NTRK3: variants seen among roughly 807,000 people sequenced by gnomAD.
NTRK3 encodes NT-3 growth factor receptor.
In NTRK3, 24 loss-of-function variants were observed where a neutral mutation model predicts 91.7. The ratio of observed to expected loss-of-function variants is 0.26; its 90% CI spans 0.19 to 0.37. The LOEUF (loss-of-function observed/expected upper bound fraction) is 0.37, where lower values mean the gene tolerates loss of function less well. NTRK3 is among the 10% of genes least tolerant of loss of function. The pLI is 1.00. For missense variants in NTRK3, 880 were observed against 1,068.9 expected, an observed-to-expected ratio of 0.82 and a Z score of 2.46; for synonymous variants, 483 against 404.0, an observed-to-expected ratio of 1.20 and a Z score of -2.34.
intron 17 of NTRK3, among the ~76,000 whole-genome samples, chr15:87,924,129 G>A (rs985507193): frequency 1.3e-5 from 2 of 152,128 alleles, no homozygotes; most frequent in Admixed American, 6.5e-5. Flanking sequence ...AAATGCGTGT[G>A]ATAGGGGATG....
intron 14 of NTRK3, among the ~76,000 whole-genome samples, chr15:87,947,911 G>A (rs763569878): frequency 9.1e-4 from 138 of 152,122 alleles, no homozygotes; most frequent in Non-Finnish European, 1.7e-3. Flanking sequence ...AGTGGCAGGA[G>A]GGAGAAAGAG....
chr15:88,253,471 T>C (rs1024664141), intron 3 of NTRK3: 2 of 152,304 alleles, frequency 1.3e-5, no homozygotes, highest in Admixed American at 6.5e-5. Context: ...GGATGCTGAC[T>C]TTCCGGGGTA....
chr15:88,003,039 C>T (rs1290045216), intron 14 of NTRK3, among the ~76,000 whole-genome samples: 1 of 152,090 alleles, frequency 6.6e-6, no homozygotes, highest in Non-Finnish European at 1.5e-5. Context: ...TTGGTTCCAC[C>T]CAATAATCAC....
intron 14 of NTRK3, among the ~76,000 whole-genome samples, chr15:87,974,943 G>A (rs573700591): frequency 1.5e-4 from 23 of 152,206 alleles, no homozygotes; most frequent in African/African-American, 5.3e-4. Context: ...CAGAAGATGT[G>A]CTACTTTAGG....
chr15:87,948,390 A>G (rs2070775534), intron 14 of NTRK3, among the ~76,000 whole-genome samples: 1 of 152,224 alleles, frequency 6.6e-6, no homozygotes, highest in South Asian at 2.1e-4. Flanking sequence ...TCTAGAATTT[A>G]AAAATTAGTA....
intron 5 of NTRK3, among the ~76,000 whole-genome samples, chr15:88,156,191 A>G (rs1362123398): frequency 6.6e-6 from 1 of 152,228 alleles, no homozygotes; most frequent in African/African-American, 2.4e-5. Context: ...GTCCCAGAGC[A>G]CAGTGCAACA....
At chr15:88,247,607 C>A (rs1567714435) in intron 3 of NTRK3, among the ~76,000 whole-genome samples, 1 of 152,182 alleles carries the variant, frequency 6.6e-6, no homozygotes, top group Non-Finnish European at 1.5e-5. Context: ...ATGACAGTGA[C>A]CCTACGGGGG....
exon 19 of NTRK3, chr15:87,864,358 T>C (rs78588791): frequency 1.9e-4 from 43 of 231,364 alleles, no homozygotes; most frequent in African/African-American, 8.8e-4. Flanking sequence ...GGAAGTATCC[T>C]AAGAAAGGCT....
At chr15:87,955,528 G>A (rs1390313602) in intron 14 of NTRK3, among the ~76,000 whole-genome samples, 1 of 152,224 alleles carries the variant, frequency 6.6e-6, no homozygotes, top group Non-Finnish European at 1.5e-5. Flanking sequence ...CTTGCTGAGT[G>A]CCGTTCACAT....
chr15:88,254,538 G>A (rs1383108763), intron 3 of NTRK3, among the ~76,000 whole-genome samples: 2 of 152,264 alleles, frequency 1.3e-5, no homozygotes, highest in Admixed American at 1.3e-4. Flanking sequence ...AGCTGCGAGA[G>A]CGCAAGCAGA....
At chr15:87,871,133 C>G in exon 19 of NTRK3, 1 of 231,130 alleles carries the variant, frequency 4.3e-6, no homozygotes, top group South Asian at 1.8e-4. Flanking sequence ...TTTGAAGGAA[C>G]ACCCCCCACC....
chr15:87,979,507 A>C, intron 14 of NTRK3: 1 of 1,383,188 alleles, frequency 7.2e-7, no homozygotes, highest in Non-Finnish European at 1.0e-6. Context: ...AAGCAAAATA[A>C]AGTAAAAACC....
chr15:87,898,135 G>A (rs1278791885), intron 17 of NTRK3, among the ~76,000 whole-genome samples: 2 of 152,170 alleles, frequency 1.3e-5, no homozygotes, highest in African/African-American at 4.8e-5. Flanking sequence ...ATGATCATGT[G>A]TGTTACACAG....
intron 5 of NTRK3, among the ~76,000 whole-genome samples, chr15:88,151,804 G>A (rs1026633619): frequency 6.6e-6 from 1 of 152,152 alleles, no homozygotes; most frequent in Non-Finnish European, 1.5e-5. Flanking sequence ...TAATGGGCAG[G>A]TATGTCTTAG....
intron 14 of NTRK3, among the ~76,000 whole-genome samples, chr15:87,965,444 C>T (rs145349541): frequency 6.6e-6 from 1 of 152,286 alleles, no homozygotes; most frequent in Non-Finnish European, 1.5e-5. Flanking sequence ...GTCACGGCAT[C>T]CAGAAAGCTG....
chr15:88,241,791 T>C lies in NTRK3; in HGVS notation c.248+14115A>G, dbSNP rs1437796087. Among the ~76,000 whole-genome samples, 3 of 152,126 alleles carry C rather than the reference T, an allele frequency of 2.0e-5. No homozygotes were observed. In the East Asian group the frequency reaches 5.8e-4, roughly 29 times the overall value. On this transcript the variant is annotated intron_variant, in intron 3 of 18. Transcript: ENST00000394480. The surrounding 1 kb of genome is among the most constrained non-coding windows in gnomAD (Gnocchi z 4.3). ...CCCTCTGACTTTTCTGCCGAGAACA[T>C]GGCCCCGGGAATGGACGGAATCTGC...
chr15:88,153,348 T>C (rs140469239), intron 5 of NTRK3, among the ~76,000 whole-genome samples: 74 of 152,274 alleles, frequency 4.9e-4, no homozygotes, highest in Non-Finnish European at 8.5e-4. Flanking sequence ...GTTGAAGCGA[T>C]TCTTCTGCCT....
intron 17 of NTRK3, among the ~76,000 whole-genome samples, chr15:87,887,467 T>C (rs2065615667): frequency 6.6e-6 from 1 of 152,192 alleles, no homozygotes. Flanking sequence ...TGAGATTATG[T>C]ATGTAAAAAC....
Position 88,240,470 on chromosome 15 carries a change from T to C in NTRK3, c.248+15436A>G, listed in dbSNP as rs1015468134. ...ACTCCACTGAGTCCCAAGGGCCCCT[T>C]CTACCCCACCCTCCTTACCACCAAA... On this transcript the variant is annotated intron_variant, in intron 3 of 18. Transcript: ENST00000394480. The surrounding 1 kb of genome is among the most constrained non-coding windows in gnomAD (Gnocchi z 4.9). Among the ~76,000 whole-genome samples, 3 of 152,100 alleles carry C rather than the reference T, an allele frequency of 2.0e-5. No individual in the cohort carries two copies. The highest frequency in any genetic ancestry group is 7.2e-5 in the African/African-American group (3 of 41,408).
Sources: gnomAD v4.1 joint callset for allele counts (sites outside exome capture counted in the v4.1 genomes callset) on GRCh38, gnomAD v4.1.1 for gene constraint, Gnocchi (gnomAD v3.1) non-coding constraint, MANE v1.5 for transcripts, NCBI Gene and HGNC (gene_info 2026-07-23, HGNC 2026-07-21) for gene names.